The following ANKRD26 variants were observed in gnomAD, a reference collection of about 807,000 sequenced individuals.
ANKRD26 encodes ankyrin repeat domain 26.
Under a neutral mutation model 208.7 loss-of-function variants are expected in ANKRD26, and 141 were observed. The ratio of observed to expected loss-of-function variants is 0.68; its 90% confidence interval spans 0.59 to 0.78. ANKRD26 has a LOEUF of 0.78. Among genes scored for constraint, ANKRD26 ranks in the 30% least tolerant of loss-of-function variants. The pLI, the probability that ANKRD26 is intolerant of heterozygous loss-of-function variation, is 0.00. For synonymous variants in ANKRD26, 636 were observed against 660.4 expected (o/e 0.96, Z 0.57); for missense variants, 1,889 against 1,938.7 (o/e 0.97, Z 0.48).
chr10:27,069,194 CAAAAAAAAAAAAA>C lies in ANKRD26; in HGVS notation c.1078-1921_1078-1909del, dbSNP rs58833937. Among the ~76,000 whole-genome samples, 30 of 88,082 alleles carry C rather than the reference CAAAAAAAAAAAAA, an allele frequency of 3.4e-4. No homozygotes were observed. In the East Asian group the frequency reaches 9.2e-3, roughly 27 times the overall value. The allele number at this position is 88,082 out of a possible 152,430, so 57.8% of individuals were successfully genotyped here. On this transcript the variant is annotated intron_variant, in intron 9 of 33. Transcript: ENST00000376087. ...TGGGCAACAGAGTGAGACGTCGTCT[CAAAAAAAAAAAAA>C]AAAAAAAAAAAAAAAGGATATGAGA...
chr10:26,974,497 C>T lies in ANKRD26; in HGVS notation c.*1827G>A, dbSNP rs888727789. Among the ~76,000 whole-genome samples the T allele has an allele frequency of 2.1e-4, 32 of 152,182 alleles. No homozygotes were observed. In the South Asian group the frequency reaches 2.5e-3, roughly 12 times the overall value. On this transcript the variant is annotated 3_prime_UTR_variant and NMD_transcript_variant, in exon 6 of 6. Coordinates refer to the ANKRD26 transcript ENST00000674670. Reference sequence around the variant, plus strand: ...CTGGGACTACAGGCACCCGCCACCACGCCTGGCTAATTTTTTGTATTTTTA... The same window carrying T: ...CTGGGACTACAGGCACCCGCCACCATGCCTGGCTAATTTTTTGTATTTTTA...
chr10:27,091,379 G>A (rs943312917), intron 4 of ANKRD26, among the ~76,000 whole-genome samples: 11 of 152,108 alleles, frequency 7.2e-5, no homozygotes, highest in Non-Finnish European at 1.3e-4. Context: ...TCTATGGCTT[G>A]TCTTCAATAA....
Position 27,037,253 on chromosome 10 carries a change from C to A in ANKRD26, c.2630G>T (p.Gly877Val). 1 of 1,613,860 alleles carries A rather than the reference C, an allele frequency of 6.2e-7. No homozygotes were observed. Among genetic ancestry groups the A allele is most frequent in the Non-Finnish European group, 8.5e-7 (1 of 1,179,820 alleles). ...TTTGGAAAGGTGATTGGTCAGAATTCCATCTTGTAACATTCTGGCATTCTG... is the reference window on the plus strand; with the variant it reads ...TTTGGAAAGGTGATTGGTCAGAATTACATCTTGTAACATTCTGGCATTCTG... ...REQNARMLQD[G>V]ILTNHLSKQK... The change falls in exon 23 of 34, where the codon GGA (glycine) becomes GTA (valine). Residue 877 changes from glycine to valine, a missense_variant. By Grantham distance (109) the Gly-to-Val change is moderately radical. This residue lies in a region of ANKRD26 where 1,272 missense variants were observed against 1,273.8 expected (regional missense o/e 1.00). Coordinates refer to ENST00000376087, the MANE Select transcript of ANKRD26 (RefSeq NM_014915.3).
the ANKRD26 span, among the ~76,000 whole-genome samples, chr10:26,951,703 G>A: frequency 3.9e-5 from 6 of 152,274 alleles, no homozygotes; most frequent in South Asian, 1.0e-3. Flanking sequence ...TGGTTTTGCT[G>A]TTGTATGCAT....
At chr10:27,016,816 TTGTG>T (rs1169933021) in intron 30 of ANKRD26, among the ~76,000 whole-genome samples, 1 of 152,144 alleles carries the variant, frequency 6.6e-6, no homozygotes, top group Non-Finnish European at 1.5e-5. Context: ...TGGGTAATTA[TTGTG>T]TATTTTTTTC....
At chr10:26,948,498 T>A in the ANKRD26 span, among the ~76,000 whole-genome samples, 2 of 152,260 alleles carry the variant, frequency 1.3e-5, no homozygotes, top group African/African-American at 4.8e-5. Context: ...AAATTATTTT[T>A]GATCATCCAC....
intron 20 of ANKRD26, among the ~76,000 whole-genome samples, chr10:27,042,344 C>T (rs1267266998): frequency 2.6e-5 from 4 of 152,128 alleles, no homozygotes; most frequent in Admixed American, 2.0e-4. Flanking sequence ...TGGCTGGGCA[C>T]GGTGGCTCAC....
chr10:26,973,213 C>A (rs1467642677), downstream of ANKRD26, among the ~76,000 whole-genome samples: 1 of 152,082 alleles, frequency 6.6e-6, no homozygotes, highest in Non-Finnish European at 1.5e-5. Flanking sequence ...TATTAAAATT[C>A]TATGAATTAA....
At chr10:26,985,751 C>T (rs180932891) in intron 3 of ANKRD26, among the ~76,000 whole-genome samples, 244 of 152,250 alleles carry the variant, frequency 1.6e-3, no homozygotes, top group African/African-American at 5.5e-3. Flanking sequence ...TCTCTCCTTC[C>T]GTAGCATCCC....
chr10:26,982,075 T>C (rs1465023212), intron 4 of ANKRD26, among the ~76,000 whole-genome samples: 1 of 152,146 alleles, frequency 6.6e-6, no homozygotes, highest in Non-Finnish European at 1.5e-5. Flanking sequence ...TAAGACAACA[T>C]AGACAATATG....
intron 30 of ANKRD26, among the ~76,000 whole-genome samples, chr10:27,016,183 T>C (rs1167214672): frequency 6.6e-6 from 1 of 151,502 alleles, no homozygotes; most frequent in Admixed American, 6.6e-5. Flanking sequence ...AGAGATGGGG[T>C]CTCACTTTGT....
At chr10:26,948,573 A>G in the ANKRD26 span, among the ~76,000 whole-genome samples, 6 of 152,372 alleles carry the variant, frequency 3.9e-5, no homozygotes, top group East Asian at 1.2e-3. Flanking sequence ...AGCCAATTAA[A>G]TTGGAACATA....
chr10:27,070,606 C>T (rs11015502), intron 9 of ANKRD26, among the ~76,000 whole-genome samples: 5 of 151,294 alleles, frequency 3.3e-5, no homozygotes, highest in African/African-American at 9.7e-5. Flanking sequence ...AGCTTCCTGA[C>T]GAGAATATAA....
chr10:27,063,358 T>C (rs143052378), intron 12 of ANKRD26, among the ~76,000 whole-genome samples: 14,426 of 152,118 alleles, frequency 0.095, 2,203 homozygotes, highest in African/African-American at 0.32. Flanking sequence ...TCTTGCTCTG[T>C]TGCCCAGGAT....
intron 6 of ANKRD26, chr10:27,080,836 C>T (rs1222688620): frequency 1.0e-6 from 1 of 985,332 alleles, no homozygotes; most frequent in Non-Finnish European, 1.2e-6. Context: ...AACAACTACC[C>T]AACTCCATGA....
chr10:27,061,173 C>G lies in ANKRD26; in HGVS notation c.1433G>C (p.Arg478Thr), dbSNP rs1469037502. ...GTGGGCTACTGGCATGCCTACATTT[C>G]TTGTATCCTCTAGTTTAGCCATCTT... ...NFKMAKLEDT[R>T]NVGMPVAHME... Residue 478 changes from arginine (R) to threonine (T), a missense_variant, in exon 13 of 34, where the codon AGA (arginine) becomes ACA (threonine). Coordinates refer to ENST00000376087, the MANE Select transcript of ANKRD26 (RefSeq NM_014915.3). 3 of 1,612,578 alleles carry G rather than the reference C, an allele frequency of 1.9e-6. No homozygotes were observed. The Admixed American group carries it at 5.0e-5, about 27-fold the overall frequency.
chr10:27,043,316 GC>G (rs1323380905), intron 20 of ANKRD26, 109 bp downstream of exon 20: 27 of 1,225,018 alleles, frequency 2.2e-5, no homozygotes, highest in Non-Finnish European at 2.7e-5. Context: ...CAGCATCATA[GC>G]CACCAATGAA....
At chr10:27,086,000 T>G (rs1282435745) in intron 5 of ANKRD26, among the ~76,000 whole-genome samples, 1 of 115,794 alleles carries the variant, frequency 8.6e-6, no homozygotes, top group Non-Finnish European at 1.9e-5. Flanking sequence ...AATTGACTAT[T>G]TATATTATCA....
chr10:27,054,026 A>G (rs1345815195), intron 15 of ANKRD26, among the ~76,000 whole-genome samples: 1 of 152,166 alleles, frequency 6.6e-6, no homozygotes, highest in East Asian at 1.9e-4. Context: ...TTTAAGACTA[A>G]GACAGCTATG....
Sources: gnomAD v4.1 joint callset for allele counts (sites outside exome capture counted in the v4.1 genomes callset) on GRCh38, gnomAD v4.1.1 for gene constraint, gnomAD v4.1.1 regional missense constraint, MANE v1.5 for transcripts, NCBI Gene and HGNC (gene_info 2026-07-23, HGNC 2026-07-21) for gene names.